Variants in DHX57 observed in about 807,000 individuals in gnomAD.
The protein encoded by DHX57 is putative ATP-dependent RNA helicase DHX57.
DHX57 carries 105 observed loss-of-function variants against 156.2 expected under a neutral mutation model. That is an observed-to-expected ratio of 0.67 (90% confidence interval 0.57 to 0.79). DHX57 has a LOEUF of 0.79. DHX57 is among the 30% of genes least tolerant of loss of function. DHX57 has a pLI of 0.00. For synonymous variants in DHX57, 704 were observed against 595.6 expected (o/e 1.18, Z -2.65); for missense variants, 1,847 against 1,661.9 (o/e 1.11, Z -1.94).
intron 9 of DHX57, among the ~76,000 whole-genome samples, chr2:38,852,688 C>T (rs981666153): frequency 4.0e-5 from 6 of 150,466 alleles, no homozygotes; most frequent in Non-Finnish European, 8.8e-5. Context: ...AATCATAGCA[C>T]ACCACAGCCT....
intron 12 of DHX57, among the ~76,000 whole-genome samples, chr2:38,841,662 G>A (rs536787059): frequency 6.6e-6 from 1 of 152,126 alleles, no homozygotes; most frequent in South Asian, 2.1e-4. Context: ...ACCCTTTTTT[G>A]GGAAGAACTA....
rs1272533376 is a variant in DHX57, at chr2:38,819,144, C to A, written c.3292G>T (p.Val1098Leu). The A allele has an allele frequency of 6.2e-7, 1 of 1,612,580 alleles. No homozygotes were observed. The highest frequency in any genetic ancestry group is 8.5e-7 in the Non-Finnish European group (1 of 1,179,646). The change falls in exon 18 of 24, where the codon GTA (valine) becomes TTA (leucine). Residue 1098 changes from valine (V) to leucine (L), a missense_variant and splice_region_variant. Coordinates refer to ENST00000457308, the MANE Select transcript of DHX57 (RefSeq NM_198963.3). ...AASLAFKSPF[V>L]SPWDKKEEAN... ...TCTTCTTTTTTATCCCAGGGAGATA[C>A]CTAAAGGAGAGAGGAAAATCAGATT...
chr2:38,868,070 G>C, intron 2 of DHX57, 112 bp downstream of exon 2: 7 of 1,353,896 alleles, frequency 5.2e-6, no homozygotes, highest in Non-Finnish European at 6.1e-6. Flanking sequence ...CAAAGAGGAA[G>C]ACAATTTGAC....
intron 21 of DHX57, among the ~76,000 whole-genome samples, chr2:38,809,090 C>G (rs1670101925): frequency 6.6e-6 from 1 of 152,126 alleles, no homozygotes; most frequent in South Asian, 2.1e-4. Flanking sequence ...GCCACCATGT[C>G]TGGCAGTATT....
chr2:38,875,915 G>T lies in DHX57; in HGVS notation c.-135C>A. On this transcript the variant is annotated 5_prime_UTR_variant, in exon 1 of 24. Transcript: ENST00000457308. Reference sequence around the variant, plus strand: ...GCCCTGCGGTGGCCCAGCTGCAGCGGCACAGTCCCGGCGCCTTCTGATTGG... The same window carrying T: ...GCCCTGCGGTGGCCCAGCTGCAGCGTCACAGTCCCGGCGCCTTCTGATTGG... 2.5e-6 allele frequency: 1 copy of T among 396,292 alleles called. No homozygotes were observed. Among genetic ancestry groups the T allele is most frequent in the East Asian group, 3.6e-5 (1 of 27,950 alleles). The allele number at this position is 396,292 out of a possible 1,614,324, so 24.5% of individuals were successfully genotyped here.
intron 13 of DHX57, among the ~76,000 whole-genome samples, chr2:38,830,655 T>C (rs1026011019): frequency 1.3e-5 from 2 of 151,384 alleles, no homozygotes; most frequent in African/African-American, 4.9e-5. Flanking sequence ...AGAAGGCTAC[T>C]AGTACCCCTA....
chr2:38,870,354 T>G (rs1355782653), intron 1 of DHX57, among the ~76,000 whole-genome samples: 1 of 152,190 alleles, frequency 6.6e-6, no homozygotes, highest in Non-Finnish European at 1.5e-5. Flanking sequence ...AACCTCTACA[T>G]GCAGGAAGCT....
At chr2:38,846,906 C>G (rs761393861) in intron 11 of DHX57, 113 bp downstream of exon 11, 7 of 752,408 alleles carry the variant, frequency 9.3e-6, no homozygotes, top group Non-Finnish European at 1.5e-5. Flanking sequence ...CCAAGCTGGT[C>G]TTGAACTGGC....
chr2:38,820,767 C>A (rs1572639257), intron 17 of DHX57, among the ~76,000 whole-genome samples: 2 of 150,924 alleles, frequency 1.3e-5, no homozygotes, highest in East Asian at 3.9e-4. Flanking sequence ...ACTGAAGAAA[C>A]TGAATACATC....
intron 2 of DHX57, among the ~76,000 whole-genome samples, chr2:38,864,509 A>G (rs1468268840): frequency 1.3e-5 from 2 of 152,180 alleles, no homozygotes; most frequent in Non-Finnish European, 2.9e-5. Context: ...TCTTAAAGTC[A>G]TCCTTTATCT....
intron 20 of DHX57, among the ~76,000 whole-genome samples, chr2:38,814,936 G>A (rs562629766): frequency 7.2e-5 from 11 of 152,176 alleles, no homozygotes. Context: ...TGGGCAGGCT[G>A]GTCTCGAGCT....
Position 38,798,323 on chromosome 2 carries a change from A to G in DHX57, c.4137T>C (p.Ile1379=). Residue 1379 remains isoleucine (I), a synonymous_variant, in exon 24 of 24, where the codon ATT becomes ATC. Transcript: ENST00000457308. ...CPRGSRIIST[I]VKLVTTQ The stretch of plus-strand genomic sequence containing the variant: ...TTTATTGTGTGGTGACAAGTTTCAC[A>G]ATTGTGCTGATGATCCGGGATCCTC... The G allele has an allele frequency of 6.2e-7, 1 of 1,613,518 alleles. No homozygotes were observed. The highest frequency in any genetic ancestry group is 8.5e-7 in the Non-Finnish European group (1 of 1,179,844).
intron 23 of DHX57, among the ~76,000 whole-genome samples, chr2:38,802,173 A>C (rs1363404004): frequency 6.6e-6 from 1 of 152,006 alleles, no homozygotes; most frequent in Non-Finnish European, 1.5e-5. Flanking sequence ...TACTAACCTC[A>C]GCCCGTACCA....
At chr2:38,867,811 G>A (rs898788192) in intron 2 of DHX57, among the ~76,000 whole-genome samples, 3 of 152,158 alleles carry the variant, frequency 2.0e-5, no homozygotes, top group African/African-American at 7.2e-5. Flanking sequence ...ACACACCTGG[G>A]CCTCCCAAAG....
intron 13 of DHX57, among the ~76,000 whole-genome samples, chr2:38,836,317 G>A (rs1038644272): frequency 6.6e-6 from 1 of 152,028 alleles, no homozygotes; most frequent in African/African-American, 2.4e-5. Flanking sequence ...ACAGCAAGAG[G>A]AATCCCTCCT....
intron 15 of DHX57, 123 bp from the exon 16 acceptor site, chr2:38,826,170 T>C (rs1671077800): frequency 9.6e-7 from 1 of 1,047,110 alleles, no homozygotes; most frequent in Admixed American, 2.7e-5. Context: ...CTGTATATTC[T>C]GGGATAGTTG....
Position 38,861,281 on chromosome 2 carries a change from T to G in DHX57, c.1129A>C (p.Thr377Pro), listed in dbSNP as rs926667685. Reference protein sequence around the residue: ...YQAPLVAFYSTNENLPLACRL... With the variant: ...YQAPLVAFYSPNENLPLACRL... ...CAAGCCAGAGGTAGGTTCTCATTGG[T>G]GGAATAAAATGCCACGAGCGGAGCT... Residue 377 changes from threonine to proline, a missense_variant, in exon 5 of 24, where the codon ACC becomes CCC. Thr to Pro is a conservative substitution (Grantham distance 38, BLOSUM62 -1). Coordinates refer to ENST00000457308, the MANE Select transcript of DHX57 (RefSeq NM_198963.3). 23 of 1,614,048 alleles carry G rather than the reference T, an allele frequency of 1.4e-5. No individual in the cohort carries two copies. Among genetic ancestry groups the G allele is most frequent in the Non-Finnish European group, 1.9e-5 (23 of 1,180,050 alleles).
At chr2:38,845,056 G>T (rs903092589) in intron 11 of DHX57, among the ~76,000 whole-genome samples, 1 of 152,040 alleles carries the variant, frequency 6.6e-6, no homozygotes, top group Non-Finnish European at 1.5e-5. Context: ...AATTAGCCAG[G>T]CATGGTGGCA....
chr2:38,810,451 T>G (rs533797573), intron 21 of DHX57: 8 of 533,694 alleles, frequency 1.5e-5, no homozygotes, highest in South Asian at 1.1e-4. Flanking sequence ...GCAGTGACCT[T>G]GCTCTGGAGA....
Sources: gnomAD v4.1 joint callset for allele counts (sites outside exome capture counted in the v4.1 genomes callset) on GRCh38, gnomAD v4.1.1 for gene constraint, MANE v1.5 for transcripts, NCBI Gene and HGNC (gene_info 2026-07-23, HGNC 2026-07-21) for gene names.